Variants in ALPK2 observed in about 807,000 individuals in gnomAD.
ALPK2 encodes the protein alpha-protein kinase 2.
Under a neutral mutation model 163.1 loss-of-function variants are expected in ALPK2, and 127 were observed. The ratio of observed to expected loss-of-function variants is 0.78; its 90% CI spans 0.67 to 0.90. The LOEUF is 0.90. ALPK2 is among the 40% of genes least tolerant of loss of function. The pLI, the probability that ALPK2 is intolerant of heterozygous loss-of-function variation, is 0.00. For synonymous variants in ALPK2, 953 were observed against 959.1 expected (o/e 0.99, Z 0.12); for missense variants, 2,360 against 2,589.6 (o/e 0.91, Z 1.92).
In ALPK2 at chr18:58,535,641, T is replaced by A. The variant is rs2051641005; in HGVS notation, c.4546A>T (p.Ser1516Cys). 1 of 1,614,140 alleles carries A rather than the reference T, an allele frequency of 6.2e-7. No homozygotes were observed. Among genetic ancestry groups the A allele is most frequent in the African/African-American group, 1.3e-5 (1 of 74,954 alleles). Residue 1516 changes from serine to cysteine, a missense_variant, in exon 5 of 13, where the codon AGC (serine) becomes TGC (cysteine). Coordinates refer to ENST00000361673, the MANE Select transcript of ALPK2 (RefSeq NM_052947.4). The part of the protein sequence containing the change: ...SGCSIGQIQE[S>C]SDGSLGEAEQ... ...GCCTCCCCTAAGCTCCCATCACTGC[T>A]TTCTTGTATTTGGCCTATGCTACAT... is the stretch of plus-strand genomic sequence containing the variant.
chr18:58,512,651 G>A (rs1288911398), intron 10 of ALPK2, among the ~76,000 whole-genome samples: 1 of 148,398 alleles, frequency 6.7e-6, no homozygotes, highest in African/African-American at 2.6e-5. Flanking sequence ...TATGTGTGGT[G>A]TGTGTGTGCT....
intron 3 of ALPK2, among the ~76,000 whole-genome samples, chr18:58,593,750 T>C (rs147963172): frequency 0.019 from 2,820 of 148,218 alleles, 77 homozygotes; most frequent in African/African-American, 0.064. Context: ...TGGTGGTGCA[T>C]GCCTGTAATC....
In ALPK2 at chr18:58,589,159, G is replaced by A. The variant is rs564328070; in HGVS notation, c.228-8611C>T. ...CCTGGAAGATGGGCATTAGCATGGA[G>A]GGGGTCACTGCTTTGCTTGGTTTGT... On this transcript the variant is annotated intron_variant, in intron 3 of 12. Coordinates refer to ENST00000361673, the MANE Select transcript of ALPK2 (RefSeq NM_052947.4). Among the ~76,000 whole-genome samples the A allele has an allele frequency of 2.3e-3, 350 of 152,344 alleles. 2 individuals carry two copies. The highest frequency in any genetic ancestry group is 7.9e-3 in the African/African-American group (327 of 41,582).
intron 12 of ALPK2, among the ~76,000 whole-genome samples, chr18:58,491,606 G>A (rs1031269460): frequency 1.3e-5 from 2 of 151,976 alleles, no homozygotes; most frequent in East Asian, 3.9e-4. Context: ...CTACGATTTC[G>A]TCTCCCACCT....
intron 2 of ALPK2, among the ~76,000 whole-genome samples, chr18:58,608,564 T>C (rs2052110142): frequency 6.6e-6 from 1 of 152,216 alleles, no homozygotes; most frequent in South Asian, 2.1e-4. Context: ...CAATACACCA[T>C]TCTTAATCTG....
At chr18:58,485,314 C>T (rs2051332913) in intron 12 of ALPK2, among the ~76,000 whole-genome samples, 1 of 152,142 alleles carries the variant, frequency 6.6e-6, no homozygotes, top group Non-Finnish European at 1.5e-5. Flanking sequence ...CTATAGAGGT[C>T]GACACACCTG....
intron 2 of ALPK2, among the ~76,000 whole-genome samples, chr18:58,609,929 A>G (rs975519634): frequency 2.0e-5 from 3 of 152,174 alleles, no homozygotes; most frequent in Admixed American, 6.5e-5. Flanking sequence ...CGGAGACAGA[A>G]GCCTGGGCTT....
At chr18:58,512,803 ATG>A (rs945245491) in intron 10 of ALPK2, among the ~76,000 whole-genome samples, 7 of 75,032 alleles carry the variant, frequency 9.3e-5, no homozygotes, top group Admixed American at 2.7e-4. Context: ...GGTGTGTGTG[ATG>A]TGTGTGAGGT....
intron 10 of ALPK2, among the ~76,000 whole-genome samples, chr18:58,510,888 G>T (rs1289714162): frequency 2.0e-5 from 3 of 152,118 alleles, no homozygotes; most frequent in Non-Finnish European, 4.4e-5. Flanking sequence ...TCCTTCTCCT[G>T]CCTGATTGCC....
chr18:58,535,823 G>A lies in ALPK2; in HGVS notation c.4364C>T (p.Pro1455Leu), dbSNP rs1460971016. 1 of 1,614,210 alleles carries A rather than the reference G, an allele frequency of 6.2e-7. No homozygotes were observed. Among genetic ancestry groups the A allele is most frequent in the Admixed American group, 1.7e-5 (1 of 60,020 alleles). Residue 1455 changes from proline (P) to leucine (L), a missense_variant, in exon 5 of 13, where the codon CCA (proline) becomes CTA (leucine). Transcript: ENST00000361673. Reference protein sequence around the residue: ...AEIQPAILQVPCLQGTILSEN... With the variant: ...AEIQPAILQVLCLQGTILSEN... Reference sequence around the variant, plus strand: ...ACTCAGAATGGTTCCCTGGAGACATGGAACTTGCAAAATGGCCGGCTGGAT... The same window carrying A: ...ACTCAGAATGGTTCCCTGGAGACATAGAACTTGCAAAATGGCCGGCTGGAT...
Position 58,579,920 on chromosome 18 carries a change from C to A in ALPK2, c.856G>T (p.Gly286Cys), listed in dbSNP as rs138300448. ...TGTTTGTTGGCCACGGCACTGTCAC[C>A]TGGGTAAATGTGTGCAGTTGCCTCA... ...LSEATAHIYP[G>C]DSAVANKQPS... Residue 286 changes from glycine (G) to cysteine (C), a missense_variant, in exon 4 of 13, where the codon GGT (glycine) becomes TGT (cysteine). Coordinates refer to ENST00000361673, the MANE Select transcript of ALPK2 (RefSeq NM_052947.4). The A allele has an allele frequency of 1.3e-3, 2,114 of 1,614,170 alleles. 2 individuals carry two copies. Among genetic ancestry groups the A allele is most frequent in the Non-Finnish European group, 1.7e-3 (1,995 of 1,180,032 alleles).
At position 58,482,131 on chromosome 18, in the gene ALPK2, G is replaced by A. The variant is rs576744924; in HGVS notation, c.6297-92C>T. On this transcript the variant is annotated intron_variant, in intron 12 of 12. Coordinates refer to ENST00000361673, the MANE Select transcript of ALPK2 (RefSeq NM_052947.4). ...AAACTTGAAAGGGAAAACTAATGGT[G>A]CATGGAACATATATGAATTTCTGTT... 111 of 871,102 alleles carry A rather than the reference G, an allele frequency of 1.3e-4. No homozygotes were observed. In the African/African-American group the frequency reaches 1.6e-3, roughly 13 times the overall value. 54.0% of individuals were successfully genotyped at this position (871,102 alleles called of 1,614,324 possible).
Position 58,529,243 on chromosome 18 carries a change from A to G in ALPK2, c.5354-5T>C. 1 of 1,608,864 alleles carries G rather than the reference A, an allele frequency of 6.2e-7. No individual in the cohort carries two copies. The highest frequency in any genetic ancestry group is 8.5e-7 in the Non-Finnish European group (1 of 1,177,426). ...TCTTTTTCAGTAATACTGGAGCTAG[A>G]AACAAGATATTTGAAGGTCAGTGTA... On this transcript the variant is annotated splice_region_variant and splice_polypyrimidine_tract_variant and intron_variant, in intron 5 of 12. Transcript: ENST00000361673.
chr18:58,598,125 A>C (rs2052050098), intron 3 of ALPK2, among the ~76,000 whole-genome samples: 1 of 152,264 alleles, frequency 6.6e-6, no homozygotes, highest in African/African-American at 2.4e-5. Context: ...GGACCATCCC[A>C]GGGCTTAACC....
At position 58,535,460 on chromosome 18, in the gene ALPK2, C is replaced by G. The variant is rs773867717; in HGVS notation, c.4727G>C (p.Arg1576Thr). The change falls in exon 5 of 13, where the codon AGA becomes ACA. Residue 1576 changes from arginine (R) to threonine (T), a missense_variant. Coordinates refer to ENST00000361673, the MANE Select transcript of ALPK2 (RefSeq NM_052947.4). ...AACAGGAAACACATACTGACGCTTTCTGGGCTCAACTATGTCATTTTCAGG... is the reference window on the plus strand; with the variant it reads ...AACAGGAAACACATACTGACGCTTTGTGGGCTCAACTATGTCATTTTCAGG... Reference protein sequence around the residue: ...DVPENDIVEPRKRQYVFPVSQ... With the variant: ...DVPENDIVEPTKRQYVFPVSQ... The G allele has an allele frequency of 2.1e-5, 34 of 1,614,072 alleles. No homozygotes were observed. The highest frequency in any genetic ancestry group is 3.3e-5 in the Admixed American group (2 of 60,004).
intron 10 of ALPK2, chr18:58,512,000 A>C (rs1262136340): frequency 6.6e-6 from 1 of 152,206 alleles, no homozygotes; most frequent in Non-Finnish European, 1.5e-5. Flanking sequence ...TGTCTTGTTA[A>C]AGAAATTTCA....
chr18:58,598,654 A>G (rs1211168389), intron 3 of ALPK2, among the ~76,000 whole-genome samples: 1 of 152,174 alleles, frequency 6.6e-6, no homozygotes, highest in Non-Finnish European at 1.5e-5. Flanking sequence ...CGGGACTCAC[A>G]GGGCCTGATT....
chr18:58,580,157 T>C lies in ALPK2; in HGVS notation c.619A>G (p.Asn207Asp), dbSNP rs1246490409. 1 of 1,614,256 alleles carries C rather than the reference T, an allele frequency of 6.2e-7. No individual in the cohort carries two copies. The highest frequency in any genetic ancestry group is 8.5e-7 in the Non-Finnish European group (1 of 1,180,048). The stretch of plus-strand genomic sequence containing the variant: ...AACCCATTTGCAATTTCTTCTGTGT[T>C]ACTTGGATCATAAGCCTCTCCAGTG... Reference protein sequence around the residue: ...RHTGEAYDPSNTEEIANGLLF... With the variant: ...RHTGEAYDPSDTEEIANGLLF... Residue 207 changes from asparagine to aspartate, a missense_variant, in exon 4 of 13, where the codon AAC (asparagine) becomes GAC (aspartate). Coordinates refer to ENST00000361673, the MANE Select transcript of ALPK2 (RefSeq NM_052947.4).
At chr18:58,494,872 C>T (rs916658715) in intron 12 of ALPK2, among the ~76,000 whole-genome samples, 1 of 152,212 alleles carries the variant, frequency 6.6e-6, no homozygotes, top group African/African-American at 2.4e-5. Context: ...GAGCCCTTTC[C>T]AAGTCTGTCC....
Sources: gnomAD v4.1 joint callset for allele counts (sites outside exome capture counted in the v4.1 genomes callset) on GRCh38, gnomAD v4.1.1 for gene constraint, MANE v1.5 for transcripts, NCBI Gene and HGNC (gene_info 2026-07-23, HGNC 2026-07-21) for gene names.